The following CDK14 variants were observed in gnomAD, a reference collection of about 807,000 sequenced individuals.
CDK14 encodes cyclin dependent kinase 14.
A neutral mutation model predicts 60.7 loss-of-function variants in CDK14; 34 were observed. That is an observed-to-expected ratio of 0.56 (90% confidence interval 0.43 to 0.75). The LOEUF (loss-of-function observed/expected upper bound fraction) is 0.75, where lower values mean the gene tolerates loss of function less well. Ranked by LOEUF, CDK14 falls within the 30% of genes least tolerant of loss-of-function variation. The pLI is 0.00. For missense variants in CDK14, 482 were observed against 564.1 expected, an observed-to-expected ratio of 0.85 and a Z score of 1.47; for synonymous variants, 197 against 203.7, an observed-to-expected ratio of 0.97 and a Z score of 0.28.
chr7:90,799,435 C>T (rs1416796937), intron 5 of CDK14, among the ~76,000 whole-genome samples: 1 of 152,016 alleles, frequency 6.6e-6, no homozygotes, highest in Admixed American at 6.6e-5. Flanking sequence ...CACCTGTAAT[C>T]CCAGTACTTT....
At chr7:90,620,011 C>T (rs1799734326) in intron 2 of CDK14, among the ~76,000 whole-genome samples, 1 of 152,074 alleles carries the variant, frequency 6.6e-6, no homozygotes, top group East Asian at 1.9e-4. Flanking sequence ...ACAACAAAAA[C>T]AAATACAGAG....
At chr7:91,185,857 T>A (rs983291339) in intron 14 of CDK14, among the ~76,000 whole-genome samples, 3 of 152,108 alleles carry the variant, frequency 2.0e-5, no homozygotes, top group Non-Finnish European at 4.4e-5. Flanking sequence ...TTTCATCTAC[T>A]CTAAAGAGAA....
intron 4 of CDK14, among the ~76,000 whole-genome samples, chr7:90,789,298 A>G (rs902558403): frequency 4.6e-5 from 7 of 152,176 alleles, no homozygotes; most frequent in Admixed American, 6.5e-5. Flanking sequence ...TGTTAAGTGT[A>G]AACAATATAG....
chr7:90,744,000 T>G (rs184977633), intron 3 of CDK14, among the ~76,000 whole-genome samples: 196 of 152,286 alleles, frequency 1.3e-3, no homozygotes, highest in Admixed American at 2.0e-3. Context: ...TGGATTTAAC[T>G]TTATTCTTTT....
intron 12 of CDK14, among the ~76,000 whole-genome samples, chr7:91,088,788 T>G (rs1402929060): frequency 6.6e-6 from 1 of 152,198 alleles, no homozygotes; most frequent in Admixed American, 6.5e-5. Context: ...TTCCCTTAAA[T>G]TATTCAAATC....
intron 5 of CDK14, among the ~76,000 whole-genome samples, chr7:90,827,503 G>A (rs1789766765): frequency 6.6e-6 from 1 of 152,172 alleles, no homozygotes; most frequent in Non-Finnish European, 1.5e-5. Context: ...AATAGACACT[G>A]AGTATATAGA....
At chr7:91,179,843 C>G (rs994945476) in intron 14 of CDK14, among the ~76,000 whole-genome samples, 1 of 151,756 alleles carries the variant, frequency 6.6e-6, no homozygotes, top group East Asian at 1.9e-4. Flanking sequence ...TAATTATTTT[C>G]GAATTTGTAC....
At chr7:90,994,795 A>G (rs901542148) in intron 10 of CDK14, among the ~76,000 whole-genome samples, 2 of 152,196 alleles carry the variant, frequency 1.3e-5, no homozygotes, top group African/African-American at 2.4e-5. Context: ...GATGTGTCAG[A>G]CTGAAAAAGA....
intron 2 of CDK14, among the ~76,000 whole-genome samples, chr7:90,713,044 C>A (rs533581904): frequency 6.6e-6 from 1 of 152,172 alleles, no homozygotes; most frequent in African/African-American, 2.4e-5. Context: ...AACCAGAAAA[C>A]CCCAAGTATC....
At chr7:91,176,308 T>C (rs1466255601) in intron 14 of CDK14, among the ~76,000 whole-genome samples, 6 of 152,154 alleles carry the variant, frequency 3.9e-5, no homozygotes, top group East Asian at 3.9e-4. Flanking sequence ...GCATTTAAAG[T>C]AGTGTGTAGA....
intron 8 of CDK14, among the ~76,000 whole-genome samples, chr7:90,952,100 A>G (rs1164610672): frequency 6.6e-6 from 1 of 152,170 alleles, no homozygotes; most frequent in African/African-American, 2.4e-5. Flanking sequence ...CTGGTTAACT[A>G]TCCTATATCT....
chr7:90,839,003 G>A (rs558754054), intron 5 of CDK14, among the ~76,000 whole-genome samples: 4 of 152,164 alleles, frequency 2.6e-5, no homozygotes, highest in Admixed American at 1.3e-4. Flanking sequence ...GCTAGGGGTC[G>A]CCATCACGGT....
chr7:90,798,203 G>A (rs1339246806), intron 5 of CDK14, among the ~76,000 whole-genome samples: 2 of 121,060 alleles, frequency 1.7e-5, no homozygotes, highest in Non-Finnish European at 1.7e-5. Flanking sequence ...TTTTTTTTTT[G>A]TAGCAGTAAA....
chr7:91,155,327 A>G (rs1800952952), intron 14 of CDK14, among the ~76,000 whole-genome samples: 1 of 152,236 alleles, frequency 6.6e-6, no homozygotes, highest in Admixed American at 6.5e-5. Context: ...TCCAAAGGTG[A>G]TGGGAAGTAA....
intron 9 of CDK14, among the ~76,000 whole-genome samples, chr7:90,957,611 A>G (rs1202525916): frequency 6.6e-6 from 1 of 152,104 alleles, no homozygotes; most frequent in Non-Finnish European, 1.5e-5. Flanking sequence ...AATTGCTTCA[A>G]AGAGAATAAA....
intron 2 of CDK14, among the ~76,000 whole-genome samples, chr7:90,618,879 A>G (rs921297596): frequency 2.0e-5 from 3 of 152,220 alleles, no homozygotes; most frequent in Non-Finnish European, 2.9e-5. Context: ...ACTCAGAAGT[A>G]GGAGAATTTG....
intron 9 of CDK14, among the ~76,000 whole-genome samples, chr7:90,974,334 G>A (rs994498140): frequency 1.4e-4 from 21 of 151,902 alleles, no homozygotes; most frequent in African/African-American, 3.6e-4. Context: ...TACAGTTAAC[G>A]CAATCATCAC....
At chr7:90,650,298 C>T (rs927034988) in intron 2 of CDK14, among the ~76,000 whole-genome samples, 21 of 151,710 alleles carry the variant, frequency 1.4e-4, no homozygotes, top group East Asian at 8.0e-4. Context: ...CACTTTTTGA[C>T]GGGGTCGTTT....
chr7:90,758,678 C>T (rs1373219365), intron 4 of CDK14, among the ~76,000 whole-genome samples: 2 of 152,140 alleles, frequency 1.3e-5, no homozygotes, highest in African/African-American at 4.8e-5. Context: ...GAAACTTAAT[C>T]TTGAAGGGAG....
Sources: gnomAD v4.1 joint callset for allele counts (sites outside exome capture counted in the v4.1 genomes callset) on GRCh38, gnomAD v4.1.1 for gene constraint, MANE v1.5 for transcripts, NCBI Gene and HGNC (gene_info 2026-07-23, HGNC 2026-07-21) for gene names.